The following DLG2 variants were observed in gnomAD, a reference collection of about 807,000 sequenced individuals.
DLG2 encodes the protein discs large MAGUK scaffold protein 2.
DLG2 carries 45 observed loss-of-function variants against 132.5 expected under a neutral mutation model. That is an observed-to-expected ratio of 0.34 (90% confidence interval 0.27 to 0.44). The LOEUF is 0.44. DLG2 is among the 20% of genes least tolerant of loss of function. The probability of loss-of-function intolerance (pLI) is 1.00; values close to 1 mark genes in which losing one functional copy is unlikely to be tolerated. For synonymous variants in DLG2, 424 were observed against 419.6 expected (o/e 1.01, Z -0.13); for missense variants, 1,045 against 1,196.9 (o/e 0.87, Z 1.87).
chr11:83,937,439 C>T (rs1463405792), intron 14 of DLG2, among the ~76,000 whole-genome samples: 14 of 138,026 alleles, frequency 1.0e-4, no homozygotes, highest in Non-Finnish European at 7.6e-5. Flanking sequence ...ACCTGGAAGG[C>T]GGAGTTTGCA....
intron 18 of DLG2, among the ~76,000 whole-genome samples, chr11:83,755,190 G>A (rs13377524): frequency 0.034 from 5,084 of 151,000 alleles, 506 homozygotes; most frequent in African/African-American, 0.12. Flanking sequence ...TAAAATAAAC[G>A]TAACTATAAT....
At chr11:83,518,488 C>T (rs1370787583) in intron 21 of DLG2, among the ~76,000 whole-genome samples, 2 of 152,140 alleles carry the variant, frequency 1.3e-5, no homozygotes, top group Non-Finnish European at 2.9e-5. Context: ...CAATGCCTCA[C>T]CCTGCTTCAG....
chr11:85,230,955 C>A (rs1200633471), intron 4 of DLG2, among the ~76,000 whole-genome samples: 23 of 151,886 alleles, frequency 1.5e-4, no homozygotes, highest in Non-Finnish European at 8.8e-5. Flanking sequence ...CAAGCCCTTA[C>A]CAGATACCAA....
intron 8 of DLG2, among the ~76,000 whole-genome samples, chr11:84,177,404 G>A (rs1438074721): frequency 6.6e-6 from 1 of 152,104 alleles, no homozygotes; most frequent in African/African-American, 2.4e-5. Flanking sequence ...GACTACTTCT[G>A]TAGATTCTTT....
At chr11:84,966,567 G>A (rs1207673794) in intron 6 of DLG2, among the ~76,000 whole-genome samples, 2 of 152,108 alleles carry the variant, frequency 1.3e-5, no homozygotes, top group Non-Finnish European at 2.9e-5. Context: ...GGAGGCTCTG[G>A]CATAGTCTTG....
At chr11:85,479,243 G>A (rs2093226067) in intron 3 of DLG2, among the ~76,000 whole-genome samples, 1 of 152,134 alleles carries the variant, frequency 6.6e-6, no homozygotes, top group Non-Finnish European at 1.5e-5. Flanking sequence ...TGGAGACTGA[G>A]AAGTCCAATA....
At position 83,808,283 on chromosome 11, in the gene DLG2, AC is replaced by A. The variant is rs138136833; in HGVS notation, c.1723-21492del. 5.3e-4 allele frequency among the ~76,000 whole-genome samples: 80 copies of A among 151,958 alleles called. 1 individual carries two copies. The highest frequency in any genetic ancestry group is 1.9e-3 in the African/African-American group (77 of 41,444). On this transcript the variant is annotated intron_variant, in intron 17 of 27. Transcript: ENST00000376104. ...ATCTCCCAGAGCATTTTAACGTCAAACCCTTTTAATATTCCTGTGGCCAAGT... is the reference window on the plus strand; with the variant it reads ...ATCTCCCAGAGCATTTTAACGTCAAACCTTTTAATATTCCTGTGGCCAAGT...
At chr11:85,215,212 A>G (rs1649371413) in intron 4 of DLG2, among the ~76,000 whole-genome samples, 2 of 152,220 alleles carry the variant, frequency 1.3e-5, no homozygotes, top group Non-Finnish European at 2.9e-5. Context: ...GTTTGATGTT[A>G]TAAGTCCATT....
intron 9 of DLG2, among the ~76,000 whole-genome samples, chr11:84,123,330 G>A (rs2094013198): frequency 6.6e-6 from 1 of 152,134 alleles, no homozygotes; most frequent in Non-Finnish European, 1.5e-5. Context: ...ACTGCCTTGG[G>A]TTATCAGATC....
At chr11:83,510,067 A>G (rs930168180) in intron 21 of DLG2, among the ~76,000 whole-genome samples, 1 of 152,192 alleles carries the variant, frequency 6.6e-6, no homozygotes, top group African/African-American at 2.4e-5. Context: ...CTCCTTATCT[A>G]TGTGAGCTTA....
intron 9 of DLG2, among the ~76,000 whole-genome samples, chr11:84,102,126 C>A (rs776881037): frequency 6.6e-6 from 1 of 152,114 alleles, no homozygotes; most frequent in South Asian, 2.1e-4. Context: ...GGTGTCTGCT[C>A]AAATTAATAC....
chr11:83,683,566 C>T (rs1455309573), intron 18 of DLG2, among the ~76,000 whole-genome samples: 1 of 152,086 alleles, frequency 6.6e-6, no homozygotes, highest in Non-Finnish European at 1.5e-5. Context: ...TGTGTTTAAC[C>T]CTGTCTTTGC....
At chr11:84,934,392 T>G (rs1429764171) in intron 6 of DLG2, among the ~76,000 whole-genome samples, 1 of 151,912 alleles carries the variant, frequency 6.6e-6, no homozygotes, top group East Asian at 1.9e-4. Flanking sequence ...CCTCACAGAA[T>G]GAGTCAGGGA....
intron 2 of DLG2, among the ~76,000 whole-genome samples, chr11:85,612,629 G>A (rs1565762027): frequency 6.6e-6 from 1 of 152,148 alleles, no homozygotes; most frequent in Admixed American, 6.5e-5. Flanking sequence ...TTCAACAAAA[G>A]TAAAGTTTGC....
intron 16 of DLG2, among the ~76,000 whole-genome samples, chr11:83,872,621 C>G (rs765842438): frequency 7.2e-5 from 11 of 152,136 alleles, no homozygotes; most frequent in Non-Finnish European, 1.2e-4. Context: ...TACAGAGTTC[C>G]TCTAACTCAA....
intron 3 of DLG2, among the ~76,000 whole-genome samples, chr11:85,544,798 C>T (rs55739259): frequency 0.23 from 34,415 of 151,258 alleles, 4,705 homozygotes; most frequent in African/African-American, 0.37. Context: ...CTGTGTGTTA[C>T]TGGCGTATAA....
chr11:84,749,787 T>C (rs182770042), intron 6 of DLG2, among the ~76,000 whole-genome samples: 82 of 152,284 alleles, frequency 5.4e-4, no homozygotes, highest in African/African-American at 1.9e-3. Flanking sequence ...AGAAAGTTAA[T>C]CTCAGGCCCT....
chr11:85,101,112 G>T (rs755026993), intron 6 of DLG2, among the ~76,000 whole-genome samples: 10 of 152,016 alleles, frequency 6.6e-5, no homozygotes, highest in African/African-American at 2.4e-4. Flanking sequence ...ATCATAAAGC[G>T]TAAGAGCTTG....
intron 17 of DLG2, among the ~76,000 whole-genome samples, chr11:83,813,120 G>C (rs1178147622): frequency 2.6e-5 from 4 of 152,146 alleles, no homozygotes; most frequent in Non-Finnish European, 5.9e-5. Flanking sequence ...CTTGTCCAAA[G>C]TTTGCACATC....
Sources: gnomAD v4.1 joint callset for allele counts (sites outside exome capture counted in the v4.1 genomes callset) on GRCh38, gnomAD v4.1.1 for gene constraint, MANE v1.5 for transcripts, NCBI Gene and HGNC (gene_info 2026-07-23, HGNC 2026-07-21) for gene names.